Variants in ZBTB7C observed in about 807,000 individuals in gnomAD.
ZBTB7C encodes zinc finger and BTB domain-containing protein 7C.
ZBTB7C carries 8 observed loss-of-function variants against 25.7 expected under a neutral mutation model. The ratio of observed to expected loss-of-function variants is 0.31; its 90% CI spans 0.18 to 0.56. ZBTB7C has a LOEUF of 0.56. Among genes scored for constraint, ZBTB7C ranks in the 20% least tolerant of loss-of-function variants. The probability of loss-of-function intolerance (pLI) is 0.91; values close to 1 mark genes in which losing one functional copy is unlikely to be tolerated. For synonymous variants in ZBTB7C, 394 were observed against 369.0 expected (o/e 1.07, Z -0.78); for missense variants, 824 against 855.2 (o/e 0.96, Z 0.46).
upstream of ZBTB7C, chr18:48,409,421 T>C (rs2048356730): frequency 7.0e-6 from 1 of 142,904 alleles, no homozygotes; most frequent in African/African-American, 2.6e-5. Flanking sequence ...GGGCAGCTCC[T>C]CCCTCCCCGC....
chr18:48,394,665 G>C lies in ZBTB7C; in HGVS notation c.-304+14561C>G, dbSNP rs555021660. Reference sequence around the variant, plus strand: ...GTCAGGGGTTTGTGTGTGTCTGTGTGCGTATGTGTGTAAAAATTACAAGGC... The same window carrying C: ...GTCAGGGGTTTGTGTGTGTCTGTGTCCGTATGTGTGTAAAAATTACAAGGC... On this transcript the variant is annotated intron_variant, in intron 1 of 4. Transcript: ENST00000590800. Among the ~76,000 whole-genome samples, 14 of 152,284 alleles carry C rather than the reference G, an allele frequency of 9.2e-5. No homozygotes were observed. In the East Asian group the frequency reaches 2.5e-3, roughly 27 times the overall value.
intron 2 of ZBTB7C, among the ~76,000 whole-genome samples, chr18:48,222,291 C>T (rs912037805): frequency 1.3e-5 from 2 of 152,330 alleles, no homozygotes; most frequent in Middle Eastern, 6.8e-3. Context: ...ATGAAACCGA[C>T]ACAGCTAAGG....
intron 1 of ZBTB7C, among the ~76,000 whole-genome samples, chr18:48,345,372 G>A (rs1482080901): frequency 6.6e-6 from 1 of 152,090 alleles, no homozygotes; most frequent in Non-Finnish European, 1.5e-5. Context: ...TCCTATTTCA[G>A]GGCTATCAGC....
intron 2 of ZBTB7C, among the ~76,000 whole-genome samples, chr18:48,200,421 G>A (rs924314109): frequency 6.6e-6 from 1 of 152,050 alleles, no homozygotes; most frequent in African/African-American, 2.4e-5. Context: ...CCCCTACCTG[G>A]AGACAGACTC....
intron 3 of ZBTB7C, among the ~76,000 whole-genome samples, chr18:48,128,764 C>T (rs1316561443): frequency 6.6e-6 from 1 of 152,174 alleles, no homozygotes; most frequent in Non-Finnish European, 1.5e-5. Flanking sequence ...ACGATGTATA[C>T]TACTTGGGTG....
chr18:48,226,682 T>C (rs2043104046), intron 2 of ZBTB7C, among the ~76,000 whole-genome samples: 1 of 152,226 alleles, frequency 6.6e-6, no homozygotes. Context: ...CATGACTCTC[T>C]GGCCAGCTGG....
intron 2 of ZBTB7C, among the ~76,000 whole-genome samples, chr18:48,193,680 G>T: frequency 6.6e-6 from 1 of 152,216 alleles, no homozygotes; most frequent in Non-Finnish European, 1.5e-5. Flanking sequence ...CTCCCCAGCA[G>T]GATGGACACT....
rs369275055 is a variant in ZBTB7C at position 48,379,390 on chromosome 18, G to A, written c.-304+29836C>T. On this transcript the variant is annotated intron_variant, in intron 1 of 4. Transcript: ENST00000590800. ...GAATTACTTTGTCAATATCTACAGG[G>A]ATTTTGACTGAGATTGTGTTGAATC... 1.3e-3 allele frequency among the ~76,000 whole-genome samples: 203 copies of A among 152,198 alleles called. 1 individual carries two copies. Among genetic ancestry groups the A allele is most frequent in the African/African-American group, 4.7e-3 (196 of 41,526 alleles).
At chr18:48,088,084 A>C (rs1435301753) in intron 3 of ZBTB7C, among the ~76,000 whole-genome samples, 7 of 152,192 alleles carry the variant, frequency 4.6e-5, no homozygotes, top group African/African-American at 1.7e-4. Context: ...TCAAATATCG[A>C]CAAAGCCCTG....
chr18:48,092,532 A>T (rs950437829), intron 3 of ZBTB7C, among the ~76,000 whole-genome samples: 4 of 152,376 alleles, frequency 2.6e-5, no homozygotes, highest in African/African-American at 9.6e-5. Flanking sequence ...GGAGGAGATA[A>T]TACAATATTG....
chr18:48,029,188 T>C lies in ZBTB7C; in HGVS notation c.*72A>G, dbSNP rs886455707. ...TTTTAAAATGAAAAGTTCAGATCCA[T>C]GGGGTAGGGTAGAGTGGGCCTGGAG... On this transcript the variant is annotated 3_prime_UTR_variant, in exon 5 of 5. Transcript: ENST00000590800. 1.5e-4 allele frequency: 224 copies of C among 1,446,558 alleles called. No homozygotes were observed. Among genetic ancestry groups the C allele is most frequent in the South Asian group, 6.0e-4 (45 of 74,584 alleles). 89.6% of individuals were successfully genotyped at this position (1,446,558 alleles called of 1,614,324 possible).
At chr18:48,179,615 G>C (rs72922163) in intron 3 of ZBTB7C, among the ~76,000 whole-genome samples, 8,932 of 152,114 alleles carry the variant, frequency 0.059, 282 homozygotes, top group East Asian at 0.1. Context: ...AGCATCTGTT[G>C]GGGGAGTGGT....
At chr18:48,102,881 G>C (rs2038883433) in intron 3 of ZBTB7C, among the ~76,000 whole-genome samples, 1 of 151,866 alleles carries the variant, frequency 6.6e-6, no homozygotes, top group African/African-American at 2.4e-5. Flanking sequence ...TGTGGAGAAG[G>C]GAAGCCAGCC....
At chr18:48,039,802 T>C in intron 4 of ZBTB7C, 98 bp downstream of exon 4, 1 of 1,282,866 alleles carries the variant, frequency 7.8e-7, no homozygotes, top group Non-Finnish European at 1.1e-6. Context: ...GTGGGATCTA[T>C]CTGGGTCTCT....
intron 3 of ZBTB7C, among the ~76,000 whole-genome samples, chr18:48,135,626 A>T (rs2040127920): frequency 6.6e-6 from 1 of 152,118 alleles, no homozygotes; most frequent in East Asian, 1.9e-4. Flanking sequence ...AGTTTCACCC[A>T]GCGGGGGTTC....
chr18:48,176,601 G>A (rs1469028383), intron 3 of ZBTB7C, among the ~76,000 whole-genome samples: 1 of 128,278 alleles, frequency 7.8e-6, no homozygotes, highest in African/African-American at 2.7e-5. Context: ...ACCTTCAAAT[G>A]GTTCAGGAAA....
At chr18:48,376,098 G>A (rs1313156061) in intron 1 of ZBTB7C, among the ~76,000 whole-genome samples, 1 of 152,256 alleles carries the variant, frequency 6.6e-6, no homozygotes, top group South Asian at 2.1e-4. Context: ...GCTCCCAGGT[G>A]ATGTGGATGC....
At chr18:48,237,363 A>AG (rs11408484) in intron 2 of ZBTB7C, among the ~76,000 whole-genome samples, 151,019 of 152,238 alleles carry the variant, frequency 0.99, 74,912 homozygotes, top group Middle Eastern at 1. Flanking sequence ...AAAACAGCTG[A>AG]GAACCTAGGA....
chr18:48,162,136 G>T (rs1439650777), intron 3 of ZBTB7C, among the ~76,000 whole-genome samples: 1 of 149,644 alleles, frequency 6.7e-6, no homozygotes, highest in African/African-American at 2.4e-5. Context: ...CTTCGTGCCA[G>T]ACCCGGCTGT....
Sources: allele counts gnomAD v4.1 joint callset (sites outside exome capture counted in the v4.1 genomes callset), GRCh38; gene constraint gnomAD v4.1.1; transcripts MANE v1.5; gene names NCBI Gene and HGNC (gene_info 2026-07-23, HGNC 2026-07-21).